DENND1A: variants seen among roughly 807,000 people sequenced by gnomAD.
The protein encoded by DENND1A is DENN domain-containing protein 1A.
Under a neutral mutation model 113.7 loss-of-function variants are expected in DENND1A, and 51 were observed. The observed-to-expected ratio is 0.45, with a 90% CI of 0.36 to 0.57. The LOEUF (loss-of-function observed/expected upper bound fraction) is 0.57, where lower values mean the gene tolerates loss of function less well. DENND1A is among the 20% of genes least tolerant of loss of function. DENND1A has a pLI of 0.00. For synonymous variants in DENND1A, 565 were observed against 570.8 expected, an observed-to-expected ratio of 0.99 and a Z score of 0.14; for missense variants, 1,258 against 1,395.9, an observed-to-expected ratio of 0.90 and a Z score of 1.57.
chr9:123,622,970 G>T (rs2061029074), intron 10 of DENND1A, among the ~76,000 whole-genome samples: 1 of 152,134 alleles, frequency 6.6e-6, no homozygotes, highest in Non-Finnish European at 1.5e-5. Flanking sequence ...TCAAAGGAAT[G>T]GCACAGATCT....
At chr9:123,497,839 T>G (rs940280272) in intron 13 of DENND1A, among the ~76,000 whole-genome samples, 2 of 128,226 alleles carry the variant, frequency 1.6e-5, no homozygotes, top group Non-Finnish European at 3.3e-5. Flanking sequence ...AAAGAAAAAA[T>G]CTATCATTCT....
At chr9:123,831,972 G>A (rs1476900188) in intron 2 of DENND1A, among the ~76,000 whole-genome samples, 2 of 151,962 alleles carry the variant, frequency 1.3e-5, no homozygotes, top group Non-Finnish European at 2.9e-5. Flanking sequence ...AACAGAGTGA[G>A]ACTCCATCTC....
chr9:123,634,809 T>G (rs1194283694), intron 9 of DENND1A, among the ~76,000 whole-genome samples: 1 of 152,210 alleles, frequency 6.6e-6, no homozygotes, highest in South Asian at 2.1e-4. Context: ...CTGAAGCAGC[T>G]GAATAGCCTA....
chr9:123,610,365 T>C (rs1339982345), intron 10 of DENND1A, among the ~76,000 whole-genome samples: 1 of 152,192 alleles, frequency 6.6e-6, no homozygotes, highest in African/African-American at 2.4e-5. Flanking sequence ...CAATACCCAT[T>C]TTACAGAGAA....
chr9:123,436,913 A>C (rs1430675043), intron 19 of DENND1A, among the ~76,000 whole-genome samples: 1 of 152,118 alleles, frequency 6.6e-6, no homozygotes, highest in African/African-American at 2.4e-5. Context: ...ACACCCGGCC[A>C]ATTTTTGTAT....
intron 5 of DENND1A, among the ~76,000 whole-genome samples, chr9:123,690,248 C>A (rs1564954831): frequency 6.6e-6 from 1 of 152,064 alleles, no homozygotes; most frequent in African/African-American, 2.4e-5. Flanking sequence ...AAAAGACAAA[C>A]TAATAGTGGT....
chr9:123,559,923 T>C (rs2057641891), intron 12 of DENND1A, among the ~76,000 whole-genome samples: 1 of 152,238 alleles, frequency 6.6e-6, no homozygotes, highest in Non-Finnish European at 1.5e-5. Flanking sequence ...TTCATATAAA[T>C]GGAATTAACA....
chr9:123,701,939 C>T (rs1244494498), intron 5 of DENND1A, among the ~76,000 whole-genome samples: 6 of 152,190 alleles, frequency 3.9e-5, no homozygotes, highest in Admixed American at 2.0e-4. Flanking sequence ...AACACGTTGT[C>T]ACTAAACAGA....
intron 2 of DENND1A, among the ~76,000 whole-genome samples, chr9:123,844,115 T>C (rs998697303): frequency 6.6e-6 from 1 of 152,044 alleles, no homozygotes; most frequent in Non-Finnish European, 1.5e-5. Context: ...ATTAATATCA[T>C]AATTATGCCA....
At position 123,381,827 on chromosome 9, in the gene DENND1A, C is replaced by G. The variant is rs759789849; in HGVS notation, c.2818G>C (p.Ala940Pro). 1.3e-4 allele frequency: 203 copies of G among 1,505,322 alleles called. No homozygotes were observed. The highest frequency in any genetic ancestry group is 3.3e-4 in the Admixed American group (14 of 41,814). The allele number at this position is 1,505,322 out of a possible 1,614,324, so 93.2% of individuals were successfully genotyped here. A position where few individuals can be genotyped will look rare whatever the true frequency, so the allele number is the denominator to read the frequency against. ...GLLLSSAGFCAPHRSQPNLSA... is the reference protein window; with the variant it reads ...GLLLSSAGFCPPHRSQPNLSA... Reference sequence around the variant, plus strand: ...AGGTTGGGCTGAGACCTGTGAGGGGCACAGAAGCCAGCACTGGACAGCAGG... The same window carrying G: ...AGGTTGGGCTGAGACCTGTGAGGGGGACAGAAGCCAGCACTGGACAGCAGG... The change falls in exon 24 of 24, where the codon GCC becomes CCC. Residue 940 changes from alanine to proline, a missense_variant. This residue lies in a region of DENND1A where 1,159 missense variants were observed against 1,231.7 expected (regional missense o/e 0.94). Transcript: ENST00000394215. The surrounding 1 kb of genome is among the most constrained non-coding windows in gnomAD (Gnocchi z 4.7).
At chr9:123,604,041 C>T (rs1458837191) in intron 11 of DENND1A, among the ~76,000 whole-genome samples, 1 of 152,166 alleles carries the variant, frequency 6.6e-6, no homozygotes, top group African/African-American at 2.4e-5. Context: ...TGACCATGTC[C>T]CTCCTCTATT....
At chr9:123,470,631 C>T (rs541540624) in intron 13 of DENND1A, among the ~76,000 whole-genome samples, 2 of 152,250 alleles carry the variant, frequency 1.3e-5, no homozygotes, top group Admixed American at 1.3e-4. Flanking sequence ...ACTCATGGAT[C>T]TCAAGGTAAA....
chr9:123,692,620 T>G (rs2065256417), intron 5 of DENND1A, among the ~76,000 whole-genome samples: 2 of 152,218 alleles, frequency 1.3e-5, no homozygotes, highest in African/African-American at 4.8e-5. Context: ...AGTTAACTAA[T>G]TAAATATGAC....
intron 19 of DENND1A, among the ~76,000 whole-genome samples, chr9:123,426,385 T>A (rs1002339355): frequency 4.6e-5 from 7 of 152,102 alleles, no homozygotes. Context: ...GGAACTGGGG[T>A]ACAGCTGGTT....
At chr9:123,697,183 C>T (rs2065576034) in intron 5 of DENND1A, among the ~76,000 whole-genome samples, 2 of 152,148 alleles carry the variant, frequency 1.3e-5, no homozygotes, top group African/African-American at 4.8e-5. Context: ...CACACATGCA[C>T]ATTTATTTAA....
chr9:123,632,898 T>C (rs114808611), intron 9 of DENND1A, among the ~76,000 whole-genome samples: 10,656 of 151,446 alleles, frequency 0.07, 683 homozygotes, highest in African/African-American at 0.18. Context: ...GCACCTATTA[T>C]AATAATAATA....
At chr9:123,609,194 C>G (rs1301720581) in intron 11 of DENND1A, among the ~76,000 whole-genome samples, 1 of 152,186 alleles carries the variant, frequency 6.6e-6, no homozygotes, top group Admixed American at 6.5e-5. Flanking sequence ...CCTCCTGCCT[C>G]CTTGACTCTC....
chr9:123,723,560 T>C (rs930619998), intron 5 of DENND1A, among the ~76,000 whole-genome samples: 1 of 152,148 alleles, frequency 6.6e-6, no homozygotes, highest in African/African-American at 2.4e-5. Flanking sequence ...AACTTATTCA[T>C]GGGGGTGGTC....
At chr9:123,692,750 T>A (rs997038957) in intron 5 of DENND1A, among the ~76,000 whole-genome samples, 1 of 152,246 alleles carries the variant, frequency 6.6e-6, no homozygotes, top group African/African-American at 2.4e-5. Context: ...CACAAATGTT[T>A]GAACTTAACT....
Sources: gnomAD v4.1 joint callset for allele counts (sites outside exome capture counted in the v4.1 genomes callset) on GRCh38, gnomAD v4.1.1 for gene constraint, gnomAD v4.1.1 regional missense constraint, Gnocchi (gnomAD v3.1) non-coding constraint, MANE v1.5 for transcripts, NCBI Gene and HGNC (gene_info 2026-07-23, HGNC 2026-07-21) for gene names.